CDC42SE2: variants seen among roughly 807,000 people sequenced by gnomAD.
CDC42SE2 encodes the protein CDC42 small effector protein 2.
Under a neutral mutation model 11.5 loss-of-function variants are expected in CDC42SE2, and 3 were observed. The observed-to-expected ratio is 0.26, with a 90% CI of 0.12 to 0.67. The LOEUF (loss-of-function observed/expected upper bound fraction) is 0.67, where lower values mean the gene tolerates loss of function less well. Ranked by LOEUF, CDC42SE2 falls within the 30% of genes least tolerant of loss-of-function variation. The pLI, the probability that CDC42SE2 is intolerant of heterozygous loss-of-function variation, is 0.80. For missense variants in CDC42SE2, 82 were observed against 106.8 expected, an observed-to-expected ratio of 0.77 and a Z score of 1.02; for synonymous variants, 33 against 34.8, an observed-to-expected ratio of 0.95 and a Z score of 0.18.
At chr5:131,347,167 TAGAG>T (rs1470496034) in intron 2 of CDC42SE2, among the ~76,000 whole-genome samples, 3 of 151,962 alleles carry the variant, frequency 2.0e-5, no homozygotes, top group African/African-American at 7.3e-5. Context: ...CTGAAGGAGA[TAGAG>T]ACACAAAAAA....
the CDC42SE2 span, among the ~76,000 whole-genome samples, chr5:131,221,073 A>G: frequency 6.6e-6 from 1 of 151,986 alleles, no homozygotes; most frequent in Admixed American, 6.6e-5. Flanking sequence ...ATTAATAGAG[A>G]TGGGGTTTCA....
At chr5:131,228,183 G>C in the CDC42SE2 span, among the ~76,000 whole-genome samples, 2 of 151,756 alleles carry the variant, frequency 1.3e-5, no homozygotes, top group South Asian at 2.1e-4. Flanking sequence ...CTCCAGCCTG[G>C]GAGACAGAGC....
the CDC42SE2 span, among the ~76,000 whole-genome samples, chr5:131,230,584 A>T: frequency 1.3e-5 from 2 of 152,200 alleles, no homozygotes; most frequent in African/African-American, 4.8e-5. Context: ...CACCTTTTAA[A>T]TCCCCACCAT....
rs34594352 is a variant in CDC42SE2 at position 131,339,246 on chromosome 5, GAAAAAAAAAAAAAA to G, written c.-285-19950_-285-19937del. Among the ~76,000 whole-genome samples, 106 of 28,250 alleles carry G rather than the reference GAAAAAAAAAAAAAA, an allele frequency of 3.8e-3. 1 individual carries two copies. Among genetic ancestry groups the G allele is most frequent in the African/African-American group, 0.01 (100 of 9,594 alleles). 18.5% of individuals were successfully genotyped at this position (28,250 alleles called of 152,430 possible). ...GTGGTGACAGAGTGAGACTCTGTCTGAAAAAAAAAAAAAAAAAAAAAAAAAAGAATGCTTTTTCA... is the reference window on the plus strand; with the variant it reads ...GTGGTGACAGAGTGAGACTCTGTCTGAAAAAAAAAAAAGAATGCTTTTTCA... On this transcript the variant is annotated intron_variant, in intron 2 of 4. Coordinates refer to ENST00000505065, the MANE Select transcript of CDC42SE2 (RefSeq NM_001375635.1).
chr5:131,340,215 G>A (rs1758679925), intron 2 of CDC42SE2, among the ~76,000 whole-genome samples: 1 of 152,024 alleles, frequency 6.6e-6, no homozygotes, highest in South Asian at 2.1e-4. Flanking sequence ...GGCCAACTGT[G>A]GTCCAAAAAT....
chr5:131,295,140 A>G (rs1303147378), intron 1 of CDC42SE2, among the ~76,000 whole-genome samples: 1 of 147,426 alleles, frequency 6.8e-6, no homozygotes, highest in East Asian at 2.0e-4. Flanking sequence ...AAAAAAAAAT[A>G]GGCATGGAGG....
At chr5:131,308,625 C>T (rs1412026006) in intron 1 of CDC42SE2, among the ~76,000 whole-genome samples, 2 of 150,814 alleles carry the variant, frequency 1.3e-5, no homozygotes, top group Non-Finnish European at 3.0e-5. Flanking sequence ...TTTCCTTGAG[C>T]AGTGGTTTGT....
intron 1 of CDC42SE2, among the ~76,000 whole-genome samples, chr5:131,282,338 C>T (rs1757253232): frequency 6.6e-6 from 1 of 152,072 alleles, no homozygotes; most frequent in Non-Finnish European, 1.5e-5. Flanking sequence ...AGAAAGTGTT[C>T]ATTTTTAAAG....
At chr5:131,320,412 TA>T (rs577089833) in intron 2 of CDC42SE2, among the ~76,000 whole-genome samples, 1,608 of 128,252 alleles carry the variant, frequency 0.013, 12 homozygotes, top group Middle Eastern at 0.024. Context: ...TAAATAAGAT[TA>T]AAAAAAAAAA....
intron 1 of CDC42SE2, among the ~76,000 whole-genome samples, chr5:131,249,883 T>TA (rs571420844): frequency 3.3e-5 from 5 of 150,212 alleles, no homozygotes; most frequent in Non-Finnish European, 4.4e-5. Context: ...ATGCTGTCTC[T>TA]AAAAAAAAAG....
Position 131,299,025 on chromosome 5 carries a change from A to G in CDC42SE2, c.-454-16951A>G, listed in dbSNP as rs1416103107. The stretch of plus-strand genomic sequence containing the variant: ...GTTCTGAAGAGTATGCCAGACAGAA[A>G]GAAGTGAACAGTAAGTGTGATGTCC... On this transcript the variant is annotated intron_variant, in intron 1 of 4. Coordinates refer to ENST00000505065, the MANE Select transcript of CDC42SE2 (RefSeq NM_001375635.1). Among the ~76,000 whole-genome samples, 3 of 152,198 alleles carry G rather than the reference A, an allele frequency of 2.0e-5. No homozygotes were observed. In the South Asian group the frequency reaches 6.2e-4, roughly 31 times the overall value.
chr5:131,331,791 G>A (rs1414952555), intron 2 of CDC42SE2, among the ~76,000 whole-genome samples: 1 of 152,078 alleles, frequency 6.6e-6, no homozygotes, highest in Non-Finnish European at 1.5e-5. Context: ...AGTATTTTCT[G>A]TTTATGAAAT....
intron 2 of CDC42SE2, among the ~76,000 whole-genome samples, chr5:131,343,709 G>C (rs1758766652): frequency 7.1e-6 from 1 of 140,712 alleles, no homozygotes; most frequent in Non-Finnish European, 1.5e-5. Flanking sequence ...GCTAAACTCT[G>C]TCTCAAAAAA....
chr5:131,298,516 T>C (rs1474151670), intron 1 of CDC42SE2, among the ~76,000 whole-genome samples: 1 of 151,634 alleles, frequency 6.6e-6, no homozygotes, highest in Non-Finnish European at 1.5e-5. Context: ...ATATAGGAAT[T>C]CTTTTAGGGT....
At chr5:131,329,922 A>AAG (rs1758384438) in intron 2 of CDC42SE2, among the ~76,000 whole-genome samples, 1 of 136,526 alleles carries the variant, frequency 7.3e-6, no homozygotes, top group African/African-American at 2.7e-5. Context: ...AAAAAAAAAA[A>AAG]GAAGAAGCGC....
the CDC42SE2 span, among the ~76,000 whole-genome samples, chr5:131,214,593 C>T: frequency 2.6e-5 from 4 of 152,138 alleles, no homozygotes; most frequent in African/African-American, 9.6e-5. Context: ...GAGATTTATA[C>T]ACAGGAGCTT....
At chr5:131,363,708 T>G (rs1749777106) in intron 3 of CDC42SE2, among the ~76,000 whole-genome samples, 2 of 143,116 alleles carry the variant, frequency 1.4e-5, no homozygotes, top group South Asian at 4.5e-4. Context: ...TTTTTTTTTT[T>G]TTTTTGAGAA....
chr5:131,253,642 G>A (rs1475319484), intron 1 of CDC42SE2, among the ~76,000 whole-genome samples: 2 of 152,146 alleles, frequency 1.3e-5, no homozygotes, highest in South Asian at 4.1e-4. Flanking sequence ...GCACATGCCT[G>A]TAATCCCAGC....
rs1029088019 is a variant in CDC42SE2 at position 131,392,716 on chromosome 5, T to TATTA, written c.*1630_*1633dup. On this transcript the variant is annotated 3_prime_UTR_variant, in exon 5 of 5. Coordinates refer to ENST00000505065, the MANE Select transcript of CDC42SE2 (RefSeq NM_001375635.1). Reference sequence around the variant, plus strand: ...AGTCCAATCCTGAGCATCTTCATCTTATTAATTAGCTGTTCGTTTCTTTGT... The same window carrying TATTA: ...AGTCCAATCCTGAGCATCTTCATCTTATTAATTAATTAGCTGTTCGTTTCTTTGT... 2.0e-5 allele frequency: 3 copies of TATTA among 152,362 alleles called. No individual in the cohort carries two copies. The highest frequency in any genetic ancestry group is 2.9e-5 in the Non-Finnish European group (2 of 68,056). The allele number at this position is 152,362 out of a possible 1,614,324, so 9.4% of individuals were successfully genotyped here. A position where few individuals can be genotyped will look rare whatever the true frequency, so the allele number is the denominator to read the frequency against.
Sources: gnomAD v4.1 joint callset for allele counts (sites outside exome capture counted in the v4.1 genomes callset) on GRCh38, gnomAD v4.1.1 for gene constraint, MANE v1.5 for transcripts, NCBI Gene and HGNC (gene_info 2026-07-23, HGNC 2026-07-21) for gene names.